CENPP: variants seen among roughly 807,000 people sequenced by gnomAD.
CENPP encodes the protein centromere protein P.
A neutral mutation model predicts 35.6 loss-of-function variants in CENPP; 24 were observed. The observed-to-expected ratio is 0.67, with a 90% CI of 0.49 to 0.95. The LOEUF (loss-of-function observed/expected upper bound fraction) is 0.95. CENPP is among the 40% of genes least tolerant of loss of function. The pLI, the probability that CENPP is intolerant of heterozygous loss-of-function variation, is 0.00. For synonymous variants in CENPP, 120 were observed against 125.5 expected (o/e 0.96, Z 0.29); for missense variants, 332 against 345.3 (o/e 0.96, Z 0.31).
chr9:92,418,678 T>C (rs1003007113), intron 5 of CENPP, among the ~76,000 whole-genome samples: 18 of 152,158 alleles, frequency 1.2e-4, no homozygotes, highest in African/African-American at 4.3e-4. Context: ...ACAACTTCTA[T>C]TTGCTGATAC....
chr9:92,325,813 C>T (rs1840441791), upstream of CENPP: 6 of 553,136 alleles, frequency 1.1e-5, no homozygotes, highest in South Asian at 1.3e-4. Context: ...AGGACTCAGG[C>T]TCTCGTGCGA....
At chr9:92,573,566 C>A (rs1039874712) in intron 5 of CENPP, among the ~76,000 whole-genome samples, 1 of 152,200 alleles carries the variant, frequency 6.6e-6, no homozygotes, top group Non-Finnish European at 1.5e-5. Context: ...CTTGAGAAGG[C>A]GGTCTGTCCG....
At chr9:92,416,825 A>G (rs1843628129) in intron 5 of CENPP, 1 of 1,613,944 alleles carries the variant, frequency 6.2e-7, no homozygotes, top group Non-Finnish European at 8.5e-7. Context: ...TATAGAAGAA[A>G]TTGAATTATT....
chr9:92,549,844 T>C (rs1849551020), intron 5 of CENPP, among the ~76,000 whole-genome samples: 1 of 152,156 alleles, frequency 6.6e-6, no homozygotes, highest in Non-Finnish European at 1.5e-5. Context: ...TCTTACTCCC[T>C]GAGCAAAGTT....
At chr9:92,338,587 C>T (rs913096340) in intron 3 of CENPP, among the ~76,000 whole-genome samples, 5 of 152,050 alleles carry the variant, frequency 3.3e-5, no homozygotes, top group Non-Finnish European at 5.9e-5. Context: ...GTGTTCAGTA[C>T]AGATCCAACC....
intron 5 of CENPP, chr9:92,417,600 T>C (rs1843657117): frequency 7.9e-7 from 1 of 1,273,374 alleles, no homozygotes; most frequent in Non-Finnish European, 1.1e-6. Context: ...AAGGAAACAT[T>C]GTGGAGAAAG....
chr9:92,347,480 T>C (rs141092763), intron 4 of CENPP, among the ~76,000 whole-genome samples: 1 of 152,382 alleles, frequency 6.6e-6, no homozygotes, highest in Non-Finnish European at 1.5e-5. Context: ...TCAGAAGACC[T>C]GGATTTTATT....
At chr9:92,375,168 T>C (rs1424493474) in intron 4 of CENPP, among the ~76,000 whole-genome samples, 2 of 152,230 alleles carry the variant, frequency 1.3e-5, no homozygotes, top group Non-Finnish European at 2.9e-5. Context: ...TTGACTTTCA[T>C]TATGTATATG....
In CENPP at chr9:92,534,806, A is replaced by G. The variant is rs373113643; in HGVS notation, c.565-76508A>G. Among the ~76,000 whole-genome samples, 13 of 152,344 alleles carry G rather than the reference A, an allele frequency of 8.5e-5. No individual in the cohort carries two copies. The East Asian group carries it at 1.4e-3, about 16-fold the overall frequency. On this transcript the variant is annotated intron_variant, in intron 5 of 7. Coordinates refer to ENST00000375587, the MANE Select transcript of CENPP (RefSeq NM_001012267.3). ...TGGCAAGTGTGCTCTGATGGATATC[A>G]TAAGTGCTCTGCAATGCATGAAATG...
intron 5 of CENPP, chr9:92,496,508 C>G: frequency 6.3e-7 from 1 of 1,596,520 alleles, no homozygotes; most frequent in Non-Finnish European, 8.5e-7. Flanking sequence ...ACATGCAAGT[C>G]ACACATGGTC....
At chr9:92,458,214 C>A (rs1316116087) in intron 5 of CENPP, among the ~76,000 whole-genome samples, 1 of 152,100 alleles carries the variant, frequency 6.6e-6, no homozygotes, top group African/African-American at 2.4e-5. Context: ...AGGAACTTTC[C>A]CTCATTCCCT....
chr9:92,342,379 A>C (rs938940087), intron 3 of CENPP, among the ~76,000 whole-genome samples: 10 of 152,250 alleles, frequency 6.6e-5, no homozygotes, highest in African/African-American at 2.4e-4. Context: ...ATCTAAGGAG[A>C]GGAACTGTAG....
rs1273177389 is a variant in CENPP at position 92,616,350 on chromosome 9, CGA to C, written c.*3207_*3208del. 2 of 315,378 alleles carry C rather than the reference CGA, an allele frequency of 6.3e-6. No homozygotes were observed. Among genetic ancestry groups the C allele is most frequent in the Non-Finnish European group, 1.2e-5 (2 of 168,322 alleles). 19.5% of individuals were successfully genotyped at this position (315,378 alleles called of 1,614,324 possible). A position where few individuals can be genotyped will look rare whatever the true frequency, so the allele number is the denominator to read the frequency against. ...GGCCAGTGCACCCCACCATACCAGG[CGA>C]GAGAGGGTTAAAGGACTGAAAGATG... On this transcript the variant is annotated 3_prime_UTR_variant, in exon 8 of 8. Transcript: ENST00000375587.
chr9:92,416,770 T>C, intron 5 of CENPP: 2 of 1,613,906 alleles, frequency 1.2e-6, no homozygotes. Context: ...TGTGTGACAT[T>C]CTTAGAGTAT....
intron 5 of CENPP, chr9:92,385,802 C>A (rs2236529): frequency 0.04 from 64,423 of 1,612,204 alleles, 1,567 homozygotes; most frequent in South Asian, 0.076. Flanking sequence ...TGAAAAAAAA[C>A]GAGGAAAACA....
chr9:92,388,885 C>A (rs2130889219), intron 5 of CENPP, among the ~76,000 whole-genome samples: 1 of 151,360 alleles, frequency 6.6e-6, no homozygotes, highest in African/African-American at 2.4e-5. Flanking sequence ...CTAAGAGTCC[C>A]TTAACTTCTG....
At chr9:92,528,944 T>C (rs534204833) in intron 5 of CENPP, among the ~76,000 whole-genome samples, 60 of 152,324 alleles carry the variant, frequency 3.9e-4, no homozygotes, top group African/African-American at 1.2e-3. Flanking sequence ...AGTAGGTGTT[T>C]AAAAATCATT....
intron 5 of CENPP, among the ~76,000 whole-genome samples, chr9:92,534,197 T>A (rs1022962657): frequency 1.3e-5 from 2 of 152,228 alleles, no homozygotes; most frequent in Non-Finnish European, 2.9e-5. Context: ...CTCCCCTTTT[T>A]ATTTCCTAGT....
chr9:92,569,248 A>G (rs893194947), intron 5 of CENPP, among the ~76,000 whole-genome samples: 2 of 152,206 alleles, frequency 1.3e-5, no homozygotes, highest in Non-Finnish European at 2.9e-5. Context: ...ATCTTGAATT[A>G]ATTTTTGTAT....
Sources: allele counts gnomAD v4.1 joint callset (sites outside exome capture counted in the v4.1 genomes callset), GRCh38; gene constraint gnomAD v4.1.1; transcripts MANE v1.5; gene names NCBI Gene and HGNC (gene_info 2026-07-23, HGNC 2026-07-21).